ZNF100: variants seen among roughly 807,000 people sequenced by gnomAD.
ZNF100 encodes zinc finger protein 100.
A neutral mutation model predicts 15.8 loss-of-function variants in ZNF100; 12 were observed. That is an observed-to-expected ratio of 0.76 (90% CI 0.49 to 1.23). The LOEUF is 1.23. Among genes scored for constraint, ZNF100 ranks in the 50% most tolerant of loss-of-function variants. ZNF100 has a pLI of 0.00. For synonymous variants in ZNF100, 226 were observed against 214.8 expected (o/e 1.05, Z -0.45); for missense variants, 670 against 635.6 (o/e 1.05, Z -0.58).
chr19:21,728,782 T>C (rs1473355115), intron 4 of ZNF100, among the ~76,000 whole-genome samples: 2 of 151,188 alleles, frequency 1.3e-5, no homozygotes, highest in Non-Finnish European at 3.0e-5. Context: ...ATATAAAATT[T>C]TAAAAAAGAA....
chr19:21,763,322 C>T (rs1351481243), intron 2 of ZNF100, among the ~76,000 whole-genome samples: 2 of 151,754 alleles, frequency 1.3e-5, no homozygotes, highest in Non-Finnish European at 2.9e-5. Context: ...CTAAGGCTGG[C>T]GTGGTGGCTC....
intron 2 of ZNF100, among the ~76,000 whole-genome samples, chr19:21,755,289 G>A (rs1215215990): frequency 2.0e-5 from 3 of 150,130 alleles, no homozygotes; most frequent in African/African-American, 7.4e-5. Flanking sequence ...CCTGGCCAAT[G>A]AGAGTGAAAG....
chr19:21,743,269 T>G (rs1395392572), intron 4 of ZNF100: 4 of 152,136 alleles, frequency 2.6e-5, no homozygotes, highest in Non-Finnish European at 5.9e-5. Context: ...ATGAAATAAA[T>G]TATTGAAGAC....
At chr19:21,737,114 T>TA (rs1338477416) in intron 4 of ZNF100, among the ~76,000 whole-genome samples, 1 of 151,380 alleles carries the variant, frequency 6.6e-6, no homozygotes, top group Non-Finnish European at 1.5e-5. Flanking sequence ...AGGAGCTGTT[T>TA]AAAAAAAATA....
chr19:21,766,416 TAA>T (rs34113075), intron 1 of ZNF100, among the ~76,000 whole-genome samples: 13 of 144,244 alleles, frequency 9.0e-5, no homozygotes, highest in African/African-American at 7.6e-5. Context: ...GGTTCCTACT[TAA>T]AAAAAAAAAA....
chr19:21,735,675 T>C (rs1045004723), intron 4 of ZNF100, among the ~76,000 whole-genome samples: 1 of 152,158 alleles, frequency 6.6e-6, no homozygotes. Context: ...GTTGCAATCA[T>C]AGTTTCTGAT....
At chr19:21,734,679 C>A (rs2035978210) in intron 4 of ZNF100, among the ~76,000 whole-genome samples, 1 of 152,044 alleles carries the variant, frequency 6.6e-6, no homozygotes, top group African/African-American at 2.4e-5. Context: ...ACAAGACAGG[C>A]CATCATTCAA....
intron 2 of ZNF100, chr19:21,752,649 T>A (rs1199325650): frequency 6.6e-6 from 1 of 152,560 alleles, no homozygotes; most frequent in Non-Finnish European, 1.5e-5. Flanking sequence ...TTTCTGATAA[T>A]TTTTATCTTA....
Position 21,723,830 on chromosome 19 carries a change from CAATA to C in ZNF100, c.*2849_*2852del, listed in dbSNP as rs1211115305. 2 of 151,974 alleles carry C rather than the reference CAATA, an allele frequency of 1.3e-5. No homozygotes were observed. Among genetic ancestry groups the C allele is most frequent in the African/African-American group, 4.8e-5 (2 of 41,384 alleles). The allele number at this position is 151,974 out of a possible 1,614,324, so 9.4% of individuals were successfully genotyped here. A position where few individuals can be genotyped will look rare whatever the true frequency, so the allele number is the denominator to read the frequency against. Reference sequence around the variant, plus strand: ...TAGTACTTACCTGAACAAATTGACTCAATAAATAAATTTACTTATGTCAACTATA... The same window carrying C: ...TAGTACTTACCTGAACAAATTGACTCAATAAATTTACTTATGTCAACTATA... On this transcript the variant is annotated 3_prime_UTR_variant, in exon 5 of 5. Coordinates refer to ENST00000358296, the MANE Select transcript of ZNF100 (RefSeq NM_173531.4).
intron 2 of ZNF100, 70 bp downstream of exon 2, chr19:21,765,624 A>C (rs971165586): frequency 3.6e-5 from 51 of 1,431,972 alleles, no homozygotes; most frequent in Non-Finnish European, 6.8e-6. Context: ...TGATTGGCTG[A>C]CCAGCAACGT....
rs541015147 is a variant in ZNF100, at chr19:21,751,362, G to A, written c.97-6295C>T. The A allele has an allele frequency of 7.5e-5, 62 of 828,938 alleles. No individual in the cohort carries two copies. In the African/African-American group the frequency reaches 8.8e-4, roughly 12 times the overall value. The allele number at this position is 828,938 out of a possible 1,614,324, so 51.3% of individuals were successfully genotyped here. A position where few individuals can be genotyped will look rare whatever the true frequency, so the allele number is the denominator to read the frequency against. On this transcript the variant is annotated intron_variant, in intron 2 of 4. Transcript: ENST00000358296. ...GATGAGAGATCACATCCCCTCACAC[G>A]AGAAAAAGTTCCACAGGAATAGTTT... is the stretch of plus-strand genomic sequence containing the variant.
At chr19:21,736,743 CTCA>C (rs1478842127) in intron 4 of ZNF100, among the ~76,000 whole-genome samples, 1 of 152,196 alleles carries the variant, frequency 6.6e-6, no homozygotes, top group African/African-American at 2.4e-5. Flanking sequence ...AAGAATCTCA[CTCA>C]AAACCACACA....
chr19:21,739,373 TAGTGAG>T (rs1568297829), intron 4 of ZNF100, among the ~76,000 whole-genome samples: 4 of 152,198 alleles, frequency 2.6e-5, no homozygotes, highest in Non-Finnish European at 5.9e-5. Context: ...GTCAGTAACA[TAGTGAG>T]AGCCTGTCCC....
intron 4 of ZNF100, 123 bp from the exon 5 acceptor site, chr19:21,728,112 C>A: frequency 5.7e-6 from 5 of 881,258 alleles, no homozygotes; most frequent in Non-Finnish European, 7.7e-6. Flanking sequence ...GCCCTCATTC[C>A]TTTATAGACA....
At chr19:21,735,651 G>GA (rs1176316551) in intron 4 of ZNF100, among the ~76,000 whole-genome samples, 1 of 151,868 alleles carries the variant, frequency 6.6e-6, no homozygotes, top group East Asian at 1.9e-4. Flanking sequence ...AATAAAATCA[G>GA]AAAAAAAGCA....
chr19:21,747,675 A>G (rs1233137484), intron 2 of ZNF100, among the ~76,000 whole-genome samples: 1 of 152,214 alleles, frequency 6.6e-6, no homozygotes, highest in Non-Finnish European at 1.5e-5. Flanking sequence ...ACCACACTCC[A>G]TCCTGAAGTT....
At chr19:21,766,583 C>T (rs961496455) in intron 1 of ZNF100, among the ~76,000 whole-genome samples, 4 of 152,132 alleles carry the variant, frequency 2.6e-5, no homozygotes, top group Non-Finnish European at 5.9e-5. Flanking sequence ...TAACCAATTA[C>T]TAAATTTAGT....
At chr19:21,747,027 A>G (rs2036223516) in intron 2 of ZNF100, 1 of 152,198 alleles carries the variant, frequency 6.6e-6, no homozygotes, top group Non-Finnish European at 1.5e-5. Flanking sequence ...ATAACAGAGG[A>G]GATTCAGGAA....
intron 4 of ZNF100, among the ~76,000 whole-genome samples, chr19:21,729,325 C>T (rs539942835): frequency 2.8e-4 from 43 of 151,424 alleles, no homozygotes; most frequent in Admixed American, 2.4e-3. Context: ...TATATTGGAA[C>T]TCCATAAACC....
Sources: gnomAD v4.1 joint callset for allele counts (sites outside exome capture counted in the v4.1 genomes callset) on GRCh38, gnomAD v4.1.1 for gene constraint, MANE v1.5 for transcripts, NCBI Gene and HGNC (gene_info 2026-07-23, HGNC 2026-07-21) for gene names.